SPIDR: variants seen among roughly 807,000 people sequenced by gnomAD.
SPIDR encodes the protein scaffold protein involved in DNA repair, also known as DNA repair-scaffolding protein.
SPIDR carries 93 observed loss-of-function variants against 104.6 expected under a neutral mutation model. The ratio of observed to expected loss-of-function variants is 0.89; its 90% CI spans 0.75 to 1.06. SPIDR has a LOEUF of 1.06. Among genes scored for constraint, SPIDR ranks in the 50% least tolerant of loss-of-function variants. The pLI, the probability that SPIDR is intolerant of heterozygous loss-of-function variation, is 0.00. For synonymous variants in SPIDR, 431 were observed against 416.9 expected (o/e 1.03, Z -0.41); for missense variants, 1,154 against 1,111.2 (o/e 1.04, Z -0.55).
intron 8 of SPIDR, chr8:47,511,366 G>C (rs1454855912): frequency 8.9e-6 from 9 of 1,011,836 alleles, no homozygotes; most frequent in South Asian, 1.3e-5. Flanking sequence ...AGTGCTGCTC[G>C]GTGTCTGACC....
rs78541225 is a variant in SPIDR, at chr8:47,498,409, A to G, written c.1097+57867A>G. On this transcript the variant is annotated intron_variant, in intron 8 of 19. Transcript: ENST00000297423. ...AACACACTGTAATAATCAAATCACCATTTTTAAAAGCAACCCAGAACATTA... is the reference window on the plus strand; with the variant it reads ...AACACACTGTAATAATCAAATCACCGTTTTTAAAAGCAACCCAGAACATTA... Among the ~76,000 whole-genome samples, 245 of 152,278 alleles carry G rather than the reference A, an allele frequency of 1.6e-3. 2 individuals carry two copies. The highest frequency in any genetic ancestry group is 5.6e-3 in the African/African-American group (234 of 41,546).
intron 5 of SPIDR, among the ~76,000 whole-genome samples, chr8:47,317,241 G>T (rs1253331780): frequency 6.6e-6 from 1 of 152,110 alleles, no homozygotes; most frequent in Non-Finnish European, 1.5e-5. Context: ...GGAAAATTGG[G>T]TCACTCCCAC....
At chr8:47,302,197 A>C (rs1194511689) in intron 5 of SPIDR, among the ~76,000 whole-genome samples, 3 of 150,660 alleles carry the variant, frequency 2.0e-5, no homozygotes, top group Admixed American at 6.6e-5. Flanking sequence ...CATTCATTTC[A>C]TCTTCCATCA....
intron 5 of SPIDR, among the ~76,000 whole-genome samples, chr8:47,392,615 C>G (rs2060733720): frequency 6.6e-6 from 1 of 152,218 alleles, no homozygotes; most frequent in Non-Finnish European, 1.5e-5. Context: ...TTTTGAAGTA[C>G]TACCTGAGCT....
intron 10 of SPIDR, among the ~76,000 whole-genome samples, chr8:47,666,477 GAT>G (rs2074950867): frequency 6.6e-6 from 1 of 152,200 alleles, no homozygotes; most frequent in African/African-American, 2.4e-5. Context: ...AATTTAAAGA[GAT>G]ATTTATATCA....
At position 47,650,085 on chromosome 8, in the gene SPIDR, A is replaced by G. The variant is rs1440043464; in HGVS notation, c.1545-23716A>G. ...GCCCACTGTCACCCTTCTATTCAACATAGTACTGGGAGTGCTAGCCAGAAC... is the reference window on the plus strand; with the variant it reads ...GCCCACTGTCACCCTTCTATTCAACGTAGTACTGGGAGTGCTAGCCAGAAC... On this transcript the variant is annotated intron_variant, in intron 10 of 19. Transcript: ENST00000297423. Among the ~76,000 whole-genome samples, 5 of 152,188 alleles carry G rather than the reference A, an allele frequency of 3.3e-5. No homozygotes were observed. In the South Asian group the frequency reaches 6.2e-4, roughly 19 times the overall value.
chr8:47,658,029 CAAAA>C (rs34648437), intron 10 of SPIDR, among the ~76,000 whole-genome samples: 8 of 76,030 alleles, frequency 1.1e-4, no homozygotes, highest in Admixed American at 1.7e-4. Context: ...GACCCTGTCT[CAAAA>C]AAAAAAAAAA....
At chr8:47,490,606 A>T (rs1223177152) in intron 8 of SPIDR, among the ~76,000 whole-genome samples, 5 of 152,238 alleles carry the variant, frequency 3.3e-5, no homozygotes, top group African/African-American at 7.2e-5. Flanking sequence ...CAAATGTCCA[A>T]CAATGATAGA....
intron 10 of SPIDR, among the ~76,000 whole-genome samples, chr8:47,646,760 A>G (rs2154449720): frequency 6.6e-6 from 1 of 152,322 alleles, no homozygotes; most frequent in South Asian, 2.1e-4. Flanking sequence ...GCTGGGAACT[A>G]GAGGATGGAG....
chr8:47,413,461 T>G (rs1044660573), intron 7 of SPIDR, among the ~76,000 whole-genome samples: 2 of 152,234 alleles, frequency 1.3e-5, no homozygotes, highest in Non-Finnish European at 1.5e-5. Flanking sequence ...AAAATAATCA[T>G]TTTAATCCTC....
chr8:47,682,960 GT>G (rs757897257), intron 11 of SPIDR, among the ~76,000 whole-genome samples: 1 of 152,146 alleles, frequency 6.6e-6, no homozygotes, highest in Non-Finnish European at 1.5e-5. Flanking sequence ...AAAATCAAGA[GT>G]GATTAAAGCA....
intron 6 of SPIDR, among the ~76,000 whole-genome samples, chr8:47,404,715 G>C (rs1473609442): frequency 6.6e-6 from 1 of 151,742 alleles, no homozygotes; most frequent in Non-Finnish European, 1.5e-5. Context: ...GTGCTGGAGA[G>C]GATGTGGAGA....
chr8:47,284,199 A>G, intron 3 of SPIDR, 105 bp downstream of exon 3: 1 of 825,430 alleles, frequency 1.2e-6, no homozygotes, highest in Non-Finnish European at 1.9e-6. Flanking sequence ...TGGTTTGGGT[A>G]GACTATATTC....
chr8:47,625,106 C>T (rs2065834937), intron 10 of SPIDR, among the ~76,000 whole-genome samples: 1 of 152,136 alleles, frequency 6.6e-6, no homozygotes, highest in Admixed American at 6.6e-5. Flanking sequence ...TAAATGTAAT[C>T]CAGCATATAA....
intron 10 of SPIDR, among the ~76,000 whole-genome samples, chr8:47,613,647 T>C (rs903777251): frequency 5.3e-5 from 8 of 152,156 alleles, no homozygotes; most frequent in African/African-American, 1.4e-4. Flanking sequence ...TCGCCAGCAC[T>C]TGCTATTTTC....
In SPIDR at chr8:47,713,510, G is replaced by A. The variant is rs1196115715; in HGVS notation, c.2210G>A (p.Arg737Gln). The stretch of plus-strand genomic sequence containing the variant: ...GCAGGTCGGATTGTTTGTGCTGAAC[G>A]AACTGTCCTCTTGCTTCAGAAGCCC... ...RDQGRIVCAE[R>Q]TVLLLQKPLL... Residue 737 changes from arginine (R) to glutamine (Q), a missense_variant, in exon 16 of 20, where the codon CGA (arginine) becomes CAA (glutamine). Physicochemically the swap from Arg to Gln is conservative, Grantham distance 43 (BLOSUM62 1). Coordinates refer to ENST00000297423, the MANE Select transcript of SPIDR (RefSeq NM_001080394.4). The A allele has an allele frequency of 9.9e-6, 16 of 1,613,996 alleles. No individual in the cohort carries two copies. In the East Asian group the frequency reaches 1.3e-4, roughly 13 times the overall value.
rs887231803 is a variant in SPIDR at position 47,353,233 on chromosome 8, A to G, written c.526-43143A>G. On this transcript the variant is annotated intron_variant, in intron 5 of 19. Transcript: ENST00000297423. ...GTGTAGACTGCCTGCATACTTATAT[A>G]TACGCCAGATTGTATTTTACTTACC... Among the ~76,000 whole-genome samples, 7 of 152,176 alleles carry G rather than the reference A, an allele frequency of 4.6e-5. No individual in the cohort carries two copies. In the South Asian group the frequency reaches 1.5e-3, roughly 32 times the overall value.
At chr8:47,421,292 G>A (rs559779009) in intron 7 of SPIDR, among the ~76,000 whole-genome samples, 2 of 152,222 alleles carry the variant, frequency 1.3e-5, no homozygotes, top group South Asian at 4.2e-4. Context: ...TATATTTCTT[G>A]GAGGCTTTGT....
chr8:47,418,507 A>G (rs1244929086), intron 7 of SPIDR, among the ~76,000 whole-genome samples: 4 of 152,204 alleles, frequency 2.6e-5, no homozygotes, highest in African/African-American at 9.7e-5. Context: ...TGTCAGCTTA[A>G]GGAGATTTTG....
Sources: gnomAD v4.1 joint callset for allele counts (sites outside exome capture counted in the v4.1 genomes callset) on GRCh38, gnomAD v4.1.1 for gene constraint, MANE v1.5 for transcripts, NCBI Gene and HGNC (gene_info 2026-07-23, HGNC 2026-07-21) for gene names.